The following CHSY3 variants were observed in gnomAD, a reference collection of about 807,000 sequenced individuals.
CHSY3 encodes N-acetylgalactosaminyl-proteoglycan 3-beta-glucuronosyltransferase 3.
In CHSY3, 35 loss-of-function variants were observed where a neutral mutation model predicts 67.2. The observed-to-expected ratio is 0.52, with a 90% CI of 0.40 to 0.69. CHSY3 has a LOEUF of 0.69. Ranked by LOEUF, CHSY3 falls within the 30% of genes least tolerant of loss-of-function variation. The pLI, the probability that CHSY3 is intolerant of heterozygous loss-of-function variation, is 0.00. For synonymous variants in CHSY3, 474 were observed against 434.7 expected, an observed-to-expected ratio of 1.09 and a Z score of -1.12; for missense variants, 1,069 against 1,138.5, an observed-to-expected ratio of 0.94 and a Z score of 0.88.
At chr5:130,123,770 A>T (rs1396970830) in intron 2 of CHSY3, among the ~76,000 whole-genome samples, 2 of 152,142 alleles carry the variant, frequency 1.3e-5, no homozygotes, top group Admixed American at 1.3e-4. Context: ...AGAAGTAAAC[A>T]GTTCTGGCCA....
intron 2 of CHSY3, among the ~76,000 whole-genome samples, chr5:129,932,117 T>C (rs1196791959): frequency 3.6e-5 from 1 of 28,112 alleles, no homozygotes; most frequent in African/African-American, 7.6e-5. Flanking sequence ...TATATATATA[T>C]ATATATATAT....
chr5:130,042,470 A>G (rs1241175856), intron 2 of CHSY3, among the ~76,000 whole-genome samples: 2 of 152,122 alleles, frequency 1.3e-5, no homozygotes, highest in Non-Finnish European at 2.9e-5. Context: ...CCATTACAAT[A>G]TCAATTCCTT....
intron 2 of CHSY3, among the ~76,000 whole-genome samples, chr5:130,177,577 A>G (rs193151160): frequency 2.0e-5 from 3 of 152,226 alleles, no homozygotes; most frequent in African/African-American, 7.2e-5. Flanking sequence ...TGAAATGACT[A>G]TTTGATTACT....
intron 2 of CHSY3, among the ~76,000 whole-genome samples, chr5:130,091,657 A>C (rs142469699): frequency 5.8e-4 from 89 of 152,288 alleles, no homozygotes; most frequent in African/African-American, 2.0e-3. Context: ...AGTTAATAGG[A>C]CCATCATGTG....
intron 2 of CHSY3, among the ~76,000 whole-genome samples, chr5:130,011,104 AC>A (rs1764046209): frequency 6.6e-6 from 1 of 152,146 alleles, no homozygotes; most frequent in African/African-American, 2.4e-5. Context: ...AGAAAGCAGG[AC>A]CCTTCCTAAC....
chr5:130,110,157 C>T (rs1169037996), intron 2 of CHSY3, among the ~76,000 whole-genome samples: 1 of 151,794 alleles, frequency 6.6e-6, no homozygotes, highest in East Asian at 1.9e-4. Context: ...AAAGTATGCT[C>T]TAGAACCTTG....
chr5:129,969,058 A>T (rs565729851), intron 2 of CHSY3, among the ~76,000 whole-genome samples: 1 of 151,992 alleles, frequency 6.6e-6, no homozygotes, highest in East Asian at 1.9e-4. Flanking sequence ...TAGTTAAGTC[A>T]GTGTTGTTAT....
intron 2 of CHSY3, among the ~76,000 whole-genome samples, chr5:129,987,800 A>G (rs1763249299): frequency 6.6e-6 from 1 of 152,236 alleles, no homozygotes. Flanking sequence ...GAGAAGAAGC[A>G]TATTCCATTT....
chr5:130,078,477 T>G (rs938692099), intron 2 of CHSY3, among the ~76,000 whole-genome samples: 1 of 152,150 alleles, frequency 6.6e-6, no homozygotes, highest in Non-Finnish European at 1.5e-5. Flanking sequence ...AGGTAATTCA[T>G]TTTTGGAATC....
rs553042607 is a variant in CHSY3 at position 130,123,976 on chromosome 5, C to T, written c.1087-60253C>T. Among the ~76,000 whole-genome samples the T allele has an allele frequency of 5.3e-3, 685 of 128,522 alleles. 6 individuals are homozygous for T. The highest frequency in any genetic ancestry group is 0.02 in the African/African-American group (664 of 33,532). The allele number at this position is 128,522 out of a possible 152,430, so 84.3% of individuals were successfully genotyped here. A position where few individuals can be genotyped will look rare whatever the true frequency, so the allele number is the denominator to read the frequency against. ...GGGGAGGCTGAGGCAGGAGGCGGAG[C>T]TTGCAGTGAGCCGAGATCTCGCCAC... On this transcript the variant is annotated intron_variant, in intron 2 of 2. Coordinates refer to ENST00000305031, the MANE Select transcript of CHSY3 (RefSeq NM_175856.5).
intron 2 of CHSY3, among the ~76,000 whole-genome samples, chr5:130,008,596 C>T (rs1290136617): frequency 3.3e-5 from 5 of 152,164 alleles, no homozygotes; most frequent in Non-Finnish European, 7.4e-5. Flanking sequence ...CCACTAGCTC[C>T]CCAGCAATGG....
chr5:129,941,552 T>C (rs62391384), intron 2 of CHSY3, among the ~76,000 whole-genome samples: 76,512 of 151,968 alleles, frequency 0.5, 20,157 homozygotes, highest in Middle Eastern at 0.6. Flanking sequence ...AAAGCCCATT[T>C]AAATTTTCAT....
chr5:130,026,536 C>T (rs1764548278), intron 2 of CHSY3, among the ~76,000 whole-genome samples: 1 of 151,974 alleles, frequency 6.6e-6, no homozygotes, highest in Non-Finnish European at 1.5e-5. Context: ...ATTTATTTTA[C>T]CAGTATTGAT....
At chr5:130,027,568 C>T (rs1340093598) in intron 2 of CHSY3, among the ~76,000 whole-genome samples, 1 of 151,848 alleles carries the variant, frequency 6.6e-6, no homozygotes, top group Non-Finnish European at 1.5e-5. Flanking sequence ...GTGTGCTGCA[C>T]CCATTAACTC....
chr5:130,179,087 C>G (rs1249193360), intron 2 of CHSY3, among the ~76,000 whole-genome samples: 1 of 152,144 alleles, frequency 6.6e-6, no homozygotes, highest in Non-Finnish European at 1.5e-5. Flanking sequence ...TAAAGATTCA[C>G]TTTATTACTG....
At chr5:130,154,506 G>A (rs1769317866) in intron 2 of CHSY3, among the ~76,000 whole-genome samples, 1 of 152,112 alleles carries the variant, frequency 6.6e-6, no homozygotes, top group Non-Finnish European at 1.5e-5. Flanking sequence ...AAGACTCAGT[G>A]CCTTCTTAAA....
At chr5:129,997,118 A>C (rs1763563028) in intron 2 of CHSY3, among the ~76,000 whole-genome samples, 1 of 107,676 alleles carries the variant, frequency 9.3e-6, no homozygotes, top group Admixed American at 9.4e-5. Context: ...GATTCAAAGC[A>C]TTTAAAAAAA....
chr5:130,043,728 A>G (rs1192331765), intron 2 of CHSY3, among the ~76,000 whole-genome samples: 1 of 149,404 alleles, frequency 6.7e-6, no homozygotes. Flanking sequence ...AATTAGTTTA[A>G]GAAATCATTG....
At chr5:130,086,128 G>A (rs1000560945) in intron 2 of CHSY3, among the ~76,000 whole-genome samples, 31 of 152,052 alleles carry the variant, frequency 2.0e-4, no homozygotes, top group Admixed American at 1.4e-3. Context: ...TATTAGGTCC[G>A]CTTGGTGCAG....
Sources: allele counts gnomAD v4.1 joint callset (sites outside exome capture counted in the v4.1 genomes callset), GRCh38; gene constraint gnomAD v4.1.1; transcripts MANE v1.5; gene names NCBI Gene and HGNC (gene_info 2026-07-23, HGNC 2026-07-21).